Variants in ANKRD30B observed in about 807,000 individuals in gnomAD.
ANKRD30B encodes the protein ankyrin repeat domain-containing protein 30B.
Under a neutral mutation model 202.2 loss-of-function variants are expected in ANKRD30B, and 144 were observed. The ratio of observed to expected loss-of-function variants is 0.71; its 90% CI spans 0.62 to 0.82. The LOEUF (loss-of-function observed/expected upper bound fraction) is 0.82, where lower values mean the gene tolerates loss of function less well. ANKRD30B is among the 40% of genes least tolerant of loss of function. The pLI, the probability that ANKRD30B is intolerant of heterozygous loss-of-function variation, is 0.00. For missense variants in ANKRD30B, 1,487 were observed against 1,669.1 expected (o/e 0.89, Z 1.90); for synonymous variants, 508 against 561.3 (o/e 0.91, Z 1.34).
chr18:14,904,632 C>T, the ANKRD30B span, among the ~76,000 whole-genome samples: 1 of 152,202 alleles, frequency 6.6e-6, no homozygotes, highest in South Asian at 2.1e-4. Flanking sequence ...CCCATCTCAT[C>T]TGATTCCTCT....
intron 9 of ANKRD30B, among the ~76,000 whole-genome samples, chr18:14,773,054 A>T (rs1325174296): frequency 6.6e-6 from 1 of 152,202 alleles, no homozygotes; most frequent in Non-Finnish European, 1.5e-5. Flanking sequence ...CATTAAAAGT[A>T]TGCTTTAAAT....
intron 32 of ANKRD30B, among the ~76,000 whole-genome samples, chr18:14,827,965 G>A (rs190648125): frequency 6.6e-6 from 1 of 152,262 alleles, no homozygotes; most frequent in Admixed American, 6.5e-5. Flanking sequence ...TAGTCTCAAC[G>A]TATGGTCCCA....
chr18:14,821,689 C>A (rs1416540867), intron 30 of ANKRD30B, among the ~76,000 whole-genome samples: 2 of 152,138 alleles, frequency 1.3e-5, no homozygotes, highest in African/African-American at 4.8e-5. Flanking sequence ...AACTCCTGGA[C>A]TCGAGAGATC....
the ANKRD30B span, among the ~76,000 whole-genome samples, chr18:14,894,467 T>G: frequency 6.6e-6 from 1 of 151,926 alleles, no homozygotes; most frequent in Non-Finnish European, 1.5e-5. Flanking sequence ...TTCCTGAAAC[T>G]GTTAAAGCTT....
At chr18:14,921,159 C>T in the ANKRD30B span, among the ~76,000 whole-genome samples, 5 of 128,854 alleles carry the variant, frequency 3.9e-5, no homozygotes, top group African/African-American at 8.9e-5. Context: ...AAATGAGGGA[C>T]GTGTTTAGAT....
At chr18:14,920,682 C>A in the ANKRD30B span, among the ~76,000 whole-genome samples, 1 of 152,218 alleles carries the variant, frequency 6.6e-6, no homozygotes, top group Non-Finnish European at 1.5e-5. Context: ...AAGACATTCT[C>A]CAGGCTGAAA....
the ANKRD30B span, among the ~76,000 whole-genome samples, chr18:14,873,524 CA>C: frequency 0.47 from 42,908 of 91,136 alleles, 6,879 homozygotes; most frequent in Middle Eastern, 0.5. Flanking sequence ...GACTCCGTTT[CA>C]AAAAAAAAAA....
chr18:14,762,344 T>C (rs1276870154), intron 6 of ANKRD30B, among the ~76,000 whole-genome samples: 2 of 152,214 alleles, frequency 1.3e-5, no homozygotes, highest in Non-Finnish European at 2.9e-5. Flanking sequence ...AATACTTTTC[T>C]GGCACCATAA....
the ANKRD30B span, among the ~76,000 whole-genome samples, chr18:14,909,187 C>A: frequency 6.6e-6 from 1 of 152,154 alleles, no homozygotes; most frequent in African/African-American, 2.4e-5. Context: ...TTCTGGGCTT[C>A]TGTCACCATG....
chr18:14,828,111 C>G (rs1302988118), intron 32 of ANKRD30B, among the ~76,000 whole-genome samples, 167 bp from the exon 33 acceptor site: 2 of 152,198 alleles, frequency 1.3e-5, no homozygotes, highest in Admixed American at 6.5e-5. Context: ...TGCAATGTCT[C>G]CCAGGCTGCT....
chr18:14,824,618 C>T (rs570305001), intron 32 of ANKRD30B, among the ~76,000 whole-genome samples: 1 of 152,240 alleles, frequency 6.6e-6, no homozygotes, highest in South Asian at 2.1e-4. Context: ...TGTGTTTCTG[C>T]TGTAAGAAAG....
chr18:14,837,952 C>A (rs1485801888), intron 36 of ANKRD30B, among the ~76,000 whole-genome samples: 2 of 152,112 alleles, frequency 1.3e-5, no homozygotes, highest in African/African-American at 2.4e-5. Context: ...GAAGGTGGAG[C>A]TTGCAGGGAG....
chr18:14,893,053 C>T, the ANKRD30B span, among the ~76,000 whole-genome samples: 1 of 152,122 alleles, frequency 6.6e-6, no homozygotes, highest in East Asian at 1.9e-4. Context: ...TACTTATATT[C>T]TTAATTGCTT....
chr18:14,873,629 T>C, the ANKRD30B span, among the ~76,000 whole-genome samples: 5 of 152,052 alleles, frequency 3.3e-5, no homozygotes, highest in African/African-American at 4.8e-5. Context: ...GTGGGCAAAT[T>C]GTTTCAGTTC....
chr18:14,911,927 T>G, the ANKRD30B span, among the ~76,000 whole-genome samples: 2 of 152,210 alleles, frequency 1.3e-5, no homozygotes, highest in Admixed American at 6.5e-5. Flanking sequence ...TGCTAGACTG[T>G]TACTGGTATA....
intron 15 of ANKRD30B, among the ~76,000 whole-genome samples, chr18:14,789,967 T>C (rs1968356863): frequency 6.6e-6 from 1 of 152,216 alleles, no homozygotes; most frequent in Admixed American, 6.5e-5. Flanking sequence ...ACTGAATCTA[T>C]AAATTACTTG....
chr18:14,819,360 A>G lies in ANKRD30B; in HGVS notation c.2642-3123A>G, dbSNP rs1970288433. ...TTCCTTTGCTGTGCAGAAGCTCTTTAGTTTAATTAGATCCCATTTGTCAAT... is the reference window on the plus strand; with the variant it reads ...TTCCTTTGCTGTGCAGAAGCTCTTTGGTTTAATTAGATCCCATTTGTCAAT... On this transcript the variant is annotated intron_variant, in intron 30 of 43. Coordinates refer to ENST00000690538, the MANE Select transcript of ANKRD30B (RefSeq NM_001367607.2). Among the ~76,000 whole-genome samples, 3 of 151,444 alleles carry G rather than the reference A, an allele frequency of 2.0e-5. No homozygotes were observed. In the South Asian group the frequency reaches 6.3e-4, roughly 32 times the overall value.
chr18:14,862,057 G>T, the ANKRD30B span, among the ~76,000 whole-genome samples: 1 of 152,122 alleles, frequency 6.6e-6, no homozygotes, highest in African/African-American at 2.4e-5. Context: ...CAGAATTAAG[G>T]CGGAAATTTA....
At chr18:14,792,528 G>A (rs1447281565) in intron 16 of ANKRD30B, among the ~76,000 whole-genome samples, 1 of 151,970 alleles carries the variant, frequency 6.6e-6, no homozygotes, top group African/African-American at 2.4e-5. Context: ...AGGAAGCAGG[G>A]GACAAGAGAG....
Sources: allele counts gnomAD v4.1 joint callset (sites outside exome capture counted in the v4.1 genomes callset), GRCh38; gene constraint gnomAD v4.1.1; transcripts MANE v1.5; gene names NCBI Gene and HGNC (gene_info 2026-07-23, HGNC 2026-07-21).